Variants in NFIA observed in about 807,000 individuals in gnomAD.
The protein encoded by NFIA is nuclear factor I A.
In NFIA, 8 loss-of-function variants were observed where a neutral mutation model predicts 62.8. The ratio of observed to expected loss-of-function variants is 0.13; its 90% CI spans 0.07 to 0.23. NFIA has a LOEUF of 0.23. Ranked by LOEUF, NFIA falls within the 10% of genes least tolerant of loss-of-function variation. The probability of loss-of-function intolerance (pLI) is 1.00; values close to 1 mark genes in which losing one functional copy is unlikely to be tolerated. For synonymous variants in NFIA, 235 were observed against 238.1 expected (o/e 0.99, Z 0.12); for missense variants, 410 against 642.1 (o/e 0.64, Z 3.91).
chr1:61,131,700 GCTACT>G (rs1202438423), intron 2 of NFIA, among the ~76,000 whole-genome samples: 1 of 152,084 alleles, frequency 6.6e-6, no homozygotes, highest in African/African-American at 2.4e-5. Flanking sequence ...ATGTGAACAG[GCTACT>G]CTATGATAAC....
chr1:61,277,553 G>A lies in NFIA; in HGVS notation c.593G>A (p.Ser198Asn), dbSNP rs781565582. ...SSQSESPSQP[S>N]DADIKDQPEN... ...CAATCTGAAAGTCCCAGCCAGCCAAGTGACGCTGACATTAAGGACCAGCCA... is the reference window on the plus strand; with the variant it reads ...CAATCTGAAAGTCCCAGCCAGCCAAATGACGCTGACATTAAGGACCAGCCA... Residue 198 changes from serine (S) to asparagine (N), a missense_variant, in exon 3 of 11, where the codon AGT becomes AAT. Transcript: ENST00000403491. 5.0e-6 allele frequency: 8 copies of A among 1,613,798 alleles called. No homozygotes were observed. The highest frequency in any genetic ancestry group is 1.1e-5 in the South Asian group (1 of 91,080).
intron 8 of NFIA, 28 bp downstream of exon 8, chr1:61,404,310 T>C: frequency 6.4e-7 from 1 of 1,569,264 alleles, no homozygotes; most frequent in Non-Finnish European, 8.6e-7. Flanking sequence ...TTTCCATTTC[T>C]TTAGAAATGT....
At chr1:61,267,153 A>G (rs1189820444) in intron 2 of NFIA, among the ~76,000 whole-genome samples, 17 of 152,192 alleles carry the variant, frequency 1.1e-4, no homozygotes, top group Admixed American at 1.1e-3. Context: ...ATTCAGAATA[A>G]CATTCTGTAC....
intron 2 of NFIA, among the ~76,000 whole-genome samples, chr1:61,255,559 C>T (rs978190839): frequency 6.6e-6 from 1 of 152,132 alleles, no homozygotes; most frequent in Non-Finnish European, 1.5e-5. Context: ...TATTTCAGAT[C>T]TTATTGTGAT....
At chr1:61,266,875 G>A (rs1657205697) in intron 2 of NFIA, among the ~76,000 whole-genome samples, 1 of 152,176 alleles carries the variant, frequency 6.6e-6, no homozygotes, top group African/African-American at 2.4e-5. Context: ...GCAGTGAACA[G>A]TTAGAGAATT....
At chr1:61,080,455 G>C (rs144544887), upstream of NFIA, among the ~76,000 whole-genome samples, 808 of 152,296 alleles carry the variant, frequency 5.3e-3, 10 homozygotes, top group Middle Eastern at 0.02. Flanking sequence ...AGCTTCCCGA[G>C]TACACACTCT....
chr1:61,287,266 T>C (rs781048951), intron 3 of NFIA, among the ~76,000 whole-genome samples: 7 of 152,196 alleles, frequency 4.6e-5, no homozygotes, highest in Non-Finnish European at 8.8e-5. Flanking sequence ...GGAATGAGAC[T>C]CTGATTTGTC....
intron 2 of NFIA, among the ~76,000 whole-genome samples, chr1:61,150,895 G>T (rs1311272133): frequency 6.6e-6 from 1 of 152,160 alleles, no homozygotes; most frequent in Non-Finnish European, 1.5e-5. Context: ...GAGAATGAGG[G>T]CTGGGAGGAG....
intron 2 of NFIA, among the ~76,000 whole-genome samples, chr1:61,239,863 A>G (rs148341069): frequency 6.6e-6 from 1 of 152,244 alleles, no homozygotes; most frequent in African/African-American, 2.4e-5. Flanking sequence ...AGAAACAGGC[A>G]AATTCTGGGG....
intron 2 of NFIA, among the ~76,000 whole-genome samples, chr1:61,206,192 A>T (rs1303971706): frequency 6.6e-6 from 1 of 152,164 alleles, no homozygotes; most frequent in East Asian, 1.9e-4. Flanking sequence ...TTGTTATAAA[A>T]ATTGTTATAT....
intron 2 of NFIA, among the ~76,000 whole-genome samples, chr1:61,260,366 G>A (rs935094907): frequency 2.6e-5 from 4 of 152,168 alleles, no homozygotes; most frequent in Admixed American, 2.0e-4. Flanking sequence ...TGCAGTTGGC[G>A]AATGAATTCA....
chr1:61,397,216 T>A (rs1665326122), intron 7 of NFIA, among the ~76,000 whole-genome samples: 1 of 152,152 alleles, frequency 6.6e-6, no homozygotes, highest in Admixed American at 6.5e-5. Context: ...AAAGACTATT[T>A]GTCTAGGTCT....
At chr1:61,339,060 A>G (rs1661765128) in intron 4 of NFIA, among the ~76,000 whole-genome samples, 2 of 152,212 alleles carry the variant, frequency 1.3e-5, no homozygotes. Flanking sequence ...TTTGTTTGCC[A>G]TTACACAATT....
rs552838277 is a variant in NFIA at position 61,299,038 on chromosome 1, C to A, written c.625+21453C>A. 2.0e-5 allele frequency among the ~76,000 whole-genome samples: 3 copies of A among 152,166 alleles called. No homozygotes were observed. In the East Asian group the frequency reaches 5.8e-4, roughly 29 times the overall value. On this transcript the variant is annotated intron_variant, in intron 3 of 10. Transcript: ENST00000403491. The stretch of plus-strand genomic sequence containing the variant: ...TTATGAAATGTACTTTCATGCATTT[C>A]TAAAATAATTGTATACTAGAGCTCT...
At chr1:61,240,662 T>C (rs1655293895) in intron 2 of NFIA, among the ~76,000 whole-genome samples, 1 of 152,134 alleles carries the variant, frequency 6.6e-6, no homozygotes, top group South Asian at 2.1e-4. Context: ...TACTAGATTG[T>C]AATTTTCTTT....
At chr1:61,406,895 G>T (rs1665867142) in intron 9 of NFIA, among the ~76,000 whole-genome samples, 168 bp downstream of exon 9, 2 of 152,132 alleles carry the variant, frequency 1.3e-5, no homozygotes, top group South Asian at 4.1e-4. Context: ...ATGACTCTTG[G>T]GTACTCCACC....
chr1:61,398,591 G>T (rs905992152), intron 7 of NFIA, among the ~76,000 whole-genome samples: 1 of 152,128 alleles, frequency 6.6e-6, no homozygotes, highest in Non-Finnish European at 1.5e-5. Flanking sequence ...TGACATATCT[G>T]GGTCCTTTCA....
intron 2 of NFIA, among the ~76,000 whole-genome samples, chr1:61,170,358 G>A (rs1169798820): frequency 6.6e-6 from 1 of 152,170 alleles, no homozygotes; most frequent in African/African-American, 2.4e-5. Context: ...TTACCTCGAT[G>A]GGGGAGGAGG....
intron 3 of NFIA, among the ~76,000 whole-genome samples, chr1:61,279,412 AAGAG>A (rs1249556507): frequency 4.6e-5 from 7 of 151,818 alleles, no homozygotes; most frequent in Non-Finnish European, 7.4e-5. Context: ...AAAAAAAAAA[AAGAG>A]AGAACTCTGG....
Sources: gnomAD v4.1 joint callset for allele counts (sites outside exome capture counted in the v4.1 genomes callset) on GRCh38, gnomAD v4.1.1 for gene constraint, MANE v1.5 for transcripts, NCBI Gene and HGNC (gene_info 2026-07-23, HGNC 2026-07-21) for gene names.